The following DMD variants were observed in gnomAD, a reference collection of about 807,000 sequenced individuals.
DMD encodes the protein mutant dystrophin.
DMD carries 63 observed loss-of-function variants against 330.1 expected under a neutral mutation model. That is an observed-to-expected ratio of 0.19 (90% confidence interval 0.16 to 0.24). DMD has a LOEUF of 0.24. Ranked by LOEUF, DMD falls within the 10% of genes least tolerant of loss-of-function variation. DMD has a pLI of 1.00. For synonymous variants in DMD, 1,223 were observed against 959.8 expected, an observed-to-expected ratio of 1.27 and a Z score of -5.07; for missense variants, 3,344 against 2,684.1, an observed-to-expected ratio of 1.25 and a Z score of -5.43.
chrX:33,087,852 C>T (rs2095030747), intron 1 of DMD, among the ~76,000 whole-genome samples: 1 of 110,829 alleles, frequency 9.0e-6, no homozygotes, highest in African/African-American at 3.3e-5. Flanking sequence ...CTTTTTGGAT[C>T]TTTATGACTT....
intron 34 of DMD, among the ~76,000 whole-genome samples, chrX:32,378,587 G>A (rs974124997): frequency 2.7e-5 from 3 of 109,881 alleles, no homozygotes; most frequent in Admixed American, 9.8e-5. Context: ...ACTTTCATAC[G>A]AAAATAAATA....
intron 2 of DMD, among the ~76,000 whole-genome samples, chrX:32,921,558 C>T (rs760299419): frequency 1.9e-4 from 21 of 111,375 alleles, no homozygotes; most frequent in East Asian, 1.7e-3. Flanking sequence ...TATGACTATG[C>T]GCATGTATGT....
chrX:31,508,415 G>T, intron 55 of DMD: 1 of 406,380 alleles, frequency 2.5e-6, no homozygotes, highest in Non-Finnish European at 4.2e-6. Flanking sequence ...TTTGTACTCC[G>T]CACTAAACAG....
intron 60 of DMD, 81 bp downstream of exon 60, chrX:31,444,400 G>GT: frequency 9.2e-7 from 1 of 1,082,541 alleles, no homozygotes; most frequent in South Asian, 1.9e-5. Context: ...CATGAAAAAA[G>GT]TACTTTCATT....
intron 11 of DMD, among the ~76,000 whole-genome samples, chrX:32,620,771 T>A (rs1366634373): frequency 8.9e-6 from 1 of 111,759 alleles, no homozygotes; most frequent in Non-Finnish European, 1.9e-5. Flanking sequence ...TAGAGACTAT[T>A]AGAGACATAA....
chrX:31,513,132 T>C (rs1603294030), intron 55 of DMD, among the ~76,000 whole-genome samples: 1 of 94,329 alleles, frequency 1.1e-5, no homozygotes, highest in Admixed American at 1.2e-4. Context: ...TTTGGCTCTC[T>C]GTTTGTCTGT....
intron 57 of DMD, among the ~76,000 whole-genome samples, chrX:31,485,386 G>T (rs1033515042): frequency 2.7e-5 from 3 of 110,310 alleles, no homozygotes; most frequent in African/African-American, 9.9e-5. Flanking sequence ...AGTAGAGACG[G>T]GGTTTCACTA....
chrX:33,012,996 G>A (rs1280606708), intron 2 of DMD, among the ~76,000 whole-genome samples: 1 of 110,594 alleles, frequency 9.0e-6, no homozygotes, highest in African/African-American at 3.3e-5. Context: ...GTGAGTAAGC[G>A]AGCATTTAAT....
chrX:32,057,373 G>A (rs151069126), intron 44 of DMD, among the ~76,000 whole-genome samples: 11,372 of 110,831 alleles, frequency 0.1, 533 homozygotes, highest in South Asian at 0.19. Flanking sequence ...AAAATCTTAA[G>A]AGTGACGCCA....
chrX:31,264,991 G>T (rs1012817729), intron 62 of DMD, among the ~76,000 whole-genome samples: 3 of 112,668 alleles, frequency 2.7e-5, no homozygotes, highest in African/African-American at 9.7e-5. Context: ...TGGGAAAATG[G>T]CAGTTGCCTA....
At chrX:32,796,513 G>C (rs888490944) in intron 7 of DMD, among the ~76,000 whole-genome samples, 2 of 111,373 alleles carry the variant, frequency 1.8e-5, no homozygotes, top group Non-Finnish European at 3.8e-5. Context: ...TATATAGTTG[G>C]AAGGTATATA....
At chrX:32,909,150 C>CAA (rs36075436) in intron 2 of DMD, among the ~76,000 whole-genome samples, 43 of 68,184 alleles carry the variant, frequency 6.3e-4, no homozygotes, top group Non-Finnish European at 9.2e-4. Context: ...TCTATATGAG[C>CAA]AAAAAAAAAA....
intron 1 of DMD, among the ~76,000 whole-genome samples, chrX:33,299,339 G>T (rs1454228207): frequency 9.0e-6 from 1 of 111,584 alleles, no homozygotes; most frequent in Non-Finnish European, 1.9e-5. Context: ...GTTTCCTCAG[G>T]AAAATGAAAT....
chrX:32,644,019 G>A, intron 11 of DMD, 113 bp downstream of exon 11: 1 of 649,982 alleles, frequency 1.5e-6, no homozygotes, highest in Non-Finnish European at 2.3e-6. Context: ...AAAGAAAGCT[G>A]TGTGCCTTGG....
intron 1 of DMD, among the ~76,000 whole-genome samples, chrX:33,162,672 G>T (rs1317549828): frequency 9.0e-6 from 1 of 110,718 alleles, no homozygotes; most frequent in African/African-American, 3.3e-5. Context: ...ACTGGTTTTG[G>T]ATATTTTGAG....
chrX:31,172,233 T>C lies in DMD; in HGVS notation c.10394+115A>G. The C allele has an allele frequency of 5.1e-6, 3 of 591,827 alleles. No homozygotes were observed. The South Asian group carries it at 7.6e-5, about 15-fold the overall frequency. 48.8% of individuals were successfully genotyped at this position (591,827 alleles called of 1,213,427 possible). A position where few individuals can be genotyped will look rare whatever the true frequency, so the allele number is the denominator to read the frequency against. On this transcript the variant is annotated intron_variant, in intron 73 of 78. Transcript: ENST00000357033. ...GGAAAAAAGTAAATGAATGGCTCCT[T>C]AAAAGATCAAATGAATATGATGCTA...
intron 48 of DMD, among the ~76,000 whole-genome samples, chrX:31,867,141 C>T (rs1029912062): frequency 9.3e-6 from 1 of 106,974 alleles, no homozygotes; most frequent in Non-Finnish European, 1.9e-5. Flanking sequence ...ACAATTATTT[C>T]GGTCAAACTA....
At chrX:32,001,340 C>A (rs2095625396) in intron 44 of DMD, among the ~76,000 whole-genome samples, 1 of 110,557 alleles carries the variant, frequency 9.0e-6, no homozygotes, top group Admixed American at 9.6e-5. Context: ...AAAATTTCAT[C>A]CTTGACTTTT....
At chrX:32,860,395 C>A (rs183006536) in intron 2 of DMD, among the ~76,000 whole-genome samples, 2 of 111,706 alleles carry the variant, frequency 1.8e-5, no homozygotes, top group Non-Finnish European at 3.8e-5. Context: ...ACATAACTGT[C>A]GCTAAGAAAG....
Sources: allele counts gnomAD v4.1 joint callset (sites outside exome capture counted in the v4.1 genomes callset), GRCh38; gene constraint gnomAD v4.1.1; transcripts MANE v1.5; gene names NCBI Gene and HGNC (gene_info 2026-07-23, HGNC 2026-07-21).